RELCH: variants seen among roughly 807,000 people sequenced by gnomAD.
RELCH encodes RAB11-binding protein RELCH.
A neutral mutation model predicts 150.3 loss-of-function variants in RELCH; 41 were observed. The ratio of observed to expected loss-of-function variants is 0.27; its 90% confidence interval spans 0.21 to 0.35. The LOEUF is 0.35. RELCH is among the 10% of genes least tolerant of loss of function. The probability of loss-of-function intolerance (pLI) is 1.00; values close to 1 mark genes in which losing one functional copy is unlikely to be tolerated. For synonymous variants in RELCH, 478 were observed against 531.8 expected (o/e 0.90, Z 1.39); for missense variants, 1,092 against 1,467.8 (o/e 0.74, Z 4.18).
At position 62,306,928 on chromosome 18, in the gene RELCH, A is replaced by G. The variant is rs2045896784; in HGVS notation, c.*1394A>G. ...ACCATACATTCAAGTTTATAAAACAATTTGCCATAGGCAAAGCCATTTAAA... is the reference window on the plus strand; with the variant it reads ...ACCATACATTCAAGTTTATAAAACAGTTTGCCATAGGCAAAGCCATTTAAA... On this transcript the variant is annotated 3_prime_UTR_variant, in exon 29 of 29. Coordinates refer to ENST00000644646, the MANE Select transcript of RELCH (RefSeq NM_001346231.2). 1 of 152,644 alleles carries G rather than the reference A, an allele frequency of 6.6e-6. No individual in the cohort carries two copies. The highest frequency in any genetic ancestry group is 1.5e-5 in the Non-Finnish European group (1 of 68,014). The allele number at this position is 152,644 out of a possible 1,614,324, so 9.5% of individuals were successfully genotyped here.
Position 62,305,531 on chromosome 18 carries a change from G to A in RELCH, c.3648G>A (p.Lys1216=), listed in dbSNP as rs775873364. The A allele has an allele frequency of 3.7e-6, 6 of 1,605,168 alleles. No individual in the cohort carries two copies. Among genetic ancestry groups the A allele is most frequent in the Admixed American group, 1.7e-5 (1 of 58,824 alleles). The part of the protein sequence containing the change: ...AMLANVFQRK[K] ...TGGCCAATGTATTTCAGAGAAAGAA[G>A]TAGAAGCAGGAAAGAAGCCCCCAGT... The change falls in exon 29 of 29, where the codon AAG becomes AAA. Residue 1216 remains lysine (K), a synonymous_variant. Transcript: ENST00000644646. This position sits in a 1 kb window ranked among gnomAD's most constrained non-coding sequence, Gnocchi z 4.0.
intron 17 of RELCH, 117 bp downstream of exon 17, chr18:62,264,262 AC>A: frequency 1.3e-6 from 1 of 756,116 alleles, no homozygotes; most frequent in South Asian, 1.8e-5. Context: ...TTTTTGGTAA[AC>A]ACCTTTAGGA....
intron 17 of RELCH, 107 bp from the exon 18 acceptor site, chr18:62,264,622 A>G: frequency 2.4e-6 from 2 of 838,430 alleles, no homozygotes; most frequent in South Asian, 3.5e-5. Context: ...TTTCCTTTCA[A>G]AGAACGAAAT....
At chr18:62,204,259 T>C (rs2039642260) in intron 1 of RELCH, among the ~76,000 whole-genome samples, 1 of 152,166 alleles carries the variant, frequency 6.6e-6, no homozygotes, top group Non-Finnish European at 1.5e-5. Context: ...GAAAAGTAGT[T>C]AGATTAATTT....
At chr18:62,286,022 A>G (rs1337804058) in intron 25 of RELCH, 2 of 152,220 alleles carry the variant, frequency 1.3e-5, no homozygotes, top group Non-Finnish European at 2.9e-5. Flanking sequence ...TACAGTTTAA[A>G]TGAACTTCTA....
intron 12 of RELCH, among the ~76,000 whole-genome samples, chr18:62,253,164 A>T (rs1453520235): frequency 6.6e-6 from 1 of 152,064 alleles, no homozygotes; most frequent in Non-Finnish European, 1.5e-5. Flanking sequence ...TCAGAGAAAG[A>T]ATCTCTGAGG....
Position 62,267,396 on chromosome 18 carries a change from C to A in RELCH, c.2680+647C>A, listed in dbSNP as rs368040608. The stretch of plus-strand genomic sequence containing the variant: ...TGGTTGATTTTGAATATATATCTCT[C>A]TATATATAGAATATATATATAGTCT... On this transcript the variant is annotated intron_variant, in intron 19 of 28. Transcript: ENST00000644646. 4.4e-4 allele frequency among the ~76,000 whole-genome samples: 66 copies of A among 149,824 alleles called. No homozygotes were observed. The East Asian group carries it at 8.4e-3, about 19-fold the overall frequency.
At chr18:62,304,892 A>G (rs746030378) in intron 28 of RELCH, among the ~76,000 whole-genome samples, 3 of 152,244 alleles carry the variant, frequency 2.0e-5, no homozygotes, top group Non-Finnish European at 4.4e-5. Flanking sequence ...AAAGGAATAT[A>G]CCATAGGATT....
chr18:62,283,193 A>G (rs1007752935), intron 25 of RELCH, among the ~76,000 whole-genome samples: 3 of 152,174 alleles, frequency 2.0e-5, no homozygotes, highest in Admixed American at 2.0e-4. Context: ...TCCACTTAGC[A>G]TGCCATTCAG....
chr18:62,233,624 T>C (rs2041715205), intron 10 of RELCH, among the ~76,000 whole-genome samples: 1 of 152,008 alleles, frequency 6.6e-6, no homozygotes, highest in South Asian at 2.1e-4. Context: ...GAAGGATCAG[T>C]GTCCAATTTC....
chr18:62,283,318 C>T (rs1218542078), intron 25 of RELCH, among the ~76,000 whole-genome samples: 5 of 152,176 alleles, frequency 3.3e-5, no homozygotes, highest in Admixed American at 2.6e-4. Flanking sequence ...TGGGCCTCAA[C>T]ATTTATGGCC....
In RELCH at chr18:62,275,486, A is replaced by G. The variant is rs1472023696; in HGVS notation, c.2967+13A>G. 2.7e-6 allele frequency: 4 copies of G among 1,509,084 alleles called. No homozygotes were observed. The highest frequency in any genetic ancestry group is 1.8e-6 in the Non-Finnish European group (2 of 1,085,770). 93.5% of individuals were successfully genotyped at this position (1,509,084 alleles called of 1,614,324 possible). ...TAGAATGTTTGAGGTATGTCAACAC[A>G]TGCCTCTGTTGGTTTCAATTATAAT... On this transcript the variant is annotated intron_variant, in intron 22 of 28. Transcript: ENST00000644646.
intron 26 of RELCH, among the ~76,000 whole-genome samples, chr18:62,287,790 T>C (rs187883895): frequency 3.3e-5 from 5 of 152,320 alleles, no homozygotes; most frequent in African/African-American, 7.2e-5. Context: ...CTGAGACTTC[T>C]GTTAATCAAA....
At chr18:62,277,302 T>C (rs2044263915) in intron 22 of RELCH, among the ~76,000 whole-genome samples, 1 of 152,116 alleles carries the variant, frequency 6.6e-6, no homozygotes, top group South Asian at 2.1e-4. Flanking sequence ...TCCTCTCAGG[T>C]TGTTGATGAA....
At chr18:62,287,065 A>G (rs1452180975) in intron 25 of RELCH, among the ~76,000 whole-genome samples, 1 of 152,192 alleles carries the variant, frequency 6.6e-6, no homozygotes, top group Non-Finnish European at 1.5e-5. Flanking sequence ...CAAACTGGGA[A>G]ACTGAATTAC....
chr18:62,303,182 A>T (rs1444667557), intron 28 of RELCH, among the ~76,000 whole-genome samples: 1 of 151,732 alleles, frequency 6.6e-6, no homozygotes, highest in African/African-American at 2.4e-5. Context: ...TTTTTAACTG[A>T]AAAGCTTTGT....
At chr18:62,214,183 G>A (rs936843361) in intron 2 of RELCH, among the ~76,000 whole-genome samples, 7 of 152,210 alleles carry the variant, frequency 4.6e-5, no homozygotes, top group African/African-American at 1.4e-4. Flanking sequence ...AATAGGAAAA[G>A]GAGGAAGAAG....
At chr18:62,233,265 T>A (rs965052) in intron 10 of RELCH, among the ~76,000 whole-genome samples, 48,183 of 151,408 alleles carry the variant, frequency 0.32, 8,207 homozygotes, top group East Asian at 0.59. Flanking sequence ...ATCAAAAAAA[T>A]TTTATAAAGA....
chr18:62,189,252 T>C (rs949817833), intron 1 of RELCH, among the ~76,000 whole-genome samples: 1 of 128,814 alleles, frequency 7.8e-6, no homozygotes, highest in African/African-American at 2.8e-5. Context: ...GTGGTGGGTC[T>C]TTTTTTGTTT....
Sources: allele counts gnomAD v4.1 joint callset (sites outside exome capture counted in the v4.1 genomes callset), GRCh38; gene constraint gnomAD v4.1.1; non-coding constraint Gnocchi (gnomAD v3.1); transcripts MANE v1.5; gene names NCBI Gene and HGNC (gene_info 2026-07-23, HGNC 2026-07-21).